The following MRPL47 variants were observed in gnomAD, a reference collection of about 807,000 sequenced individuals.
MRPL47 encodes large ribosomal subunit protein uL29m.
MRPL47 carries 31 observed loss-of-function variants against 34.0 expected under a neutral mutation model. That is an observed-to-expected ratio of 0.91 (90% CI 0.68 to 1.23). The LOEUF (loss-of-function observed/expected upper bound fraction) is 1.23. Ranked by LOEUF, MRPL47 falls within the 50% of genes most tolerant of loss-of-function variation. The probability of loss-of-function intolerance (pLI) is 0.00; values close to 1 mark genes in which losing one functional copy is unlikely to be tolerated. For missense variants in MRPL47, 328 were observed against 285.8 expected (o/e 1.15, Z -1.07); for synonymous variants, 106 against 101.6 (o/e 1.04, Z -0.26).
chr3:179,591,937 A>G (rs186358313), intron 6 of MRPL47, among the ~76,000 whole-genome samples: 1 of 151,918 alleles, frequency 6.6e-6, no homozygotes, highest in East Asian at 1.9e-4. Context: ...GGTTCCATCA[A>G]TTCTCGTACC....
Position 179,598,703 on chromosome 3 carries a change from G to T in MRPL47, c.374C>A (p.Pro125Gln), listed in dbSNP as rs369108801. The change falls in exon 4 of 7, where the codon CCA becomes CAA. Residue 125 changes from proline (P) to glutamine (Q), a missense_variant. Physicochemically the swap from Pro to Gln is moderately conservative, Grantham distance 76. Coordinates refer to ENST00000476781, the MANE Select transcript of MRPL47 (RefSeq NM_020409.3). ...LEQEAKRQRL[P>Q]MPSPERLDKV... ...ATCTAACCGCTCTGGACTTGGCATTGGCAATCTCTGCCGCTTGGCCTCCTG... is the reference window on the plus strand; with the variant it reads ...ATCTAACCGCTCTGGACTTGGCATTTGCAATCTCTGCCGCTTGGCCTCCTG... 3.7e-6 allele frequency: 6 copies of T among 1,612,784 alleles called. No individual in the cohort carries two copies. In the African/African-American group the frequency reaches 6.7e-5, roughly 18 times the overall value.
chr3:179,598,698 G>C lies in MRPL47; in HGVS notation c.379C>G (p.Pro127Ala), dbSNP rs1216617340. 6.2e-7 allele frequency: 1 copy of C among 1,612,370 alleles called. No individual in the cohort carries two copies. The highest frequency in any genetic ancestry group is 1.1e-5 in the South Asian group (1 of 91,048). ...ACCTTATCTAACCGCTCTGGACTTG[G>C]CATTGGCAATCTCTGCCGCTTGGCC... The part of the protein sequence containing the change: ...QEAKRQRLPM[P>A]SPERLDKVVD... Residue 127 changes from proline to alanine, a missense_variant, in exon 4 of 7, where the codon CCA (proline) becomes GCA (alanine). Pro to Ala is a conservative substitution (Grantham distance 27, BLOSUM62 -1). Coordinates refer to ENST00000476781, the MANE Select transcript of MRPL47 (RefSeq NM_020409.3).
At chr3:179,592,775 A>G in intron 5 of MRPL47, 36 bp from the exon 6 acceptor site, 1 of 1,328,912 alleles carries the variant, frequency 7.5e-7, no homozygotes, top group Non-Finnish European at 1.1e-6. Flanking sequence ...GCCTTAAAGA[A>G]AACATTTAAT....
In MRPL47 at chr3:179,593,868, T is replaced by C. The variant is rs779617472; in HGVS notation, c.430A>G (p.Lys144Glu). ...GCATCTTCTCTTTCCTGGACAACTT[T>C]ATCTAATGCATCCATGGAATCTACT... is the stretch of plus-strand genomic sequence containing the variant. ...KVVDSMDALDKVVQEREDALR... is the reference protein window; with the variant it reads ...KVVDSMDALDEVVQEREDALR... The change falls in exon 5 of 7, where the codon AAA becomes GAA. Residue 144 changes from lysine (K) to glutamate (E), a missense_variant. Lys to Glu is a moderately conservative substitution (Grantham distance 56). Transcript: ENST00000476781. 6.2e-7 allele frequency: 1 copy of C among 1,613,372 alleles called. No homozygotes were observed. Among genetic ancestry groups the C allele is most frequent in the Non-Finnish European group, 8.5e-7 (1 of 1,179,508 alleles).
chr3:179,595,739 T>C (rs189635615), intron 4 of MRPL47, among the ~76,000 whole-genome samples: 23 of 152,324 alleles, frequency 1.5e-4, no homozygotes, highest in African/African-American at 4.8e-4. Flanking sequence ...CCAAGAAATG[T>C]GAAGGAAAAT....
At position 179,604,526 on chromosome 3, in the gene MRPL47, C is replaced by T. The variant is rs1719012602; in HGVS notation, c.98+1G>A. On this transcript the variant is annotated splice_donor_variant, in intron 1 of 6. Transcript: ENST00000476781. LOFTEE classifies it high-confidence loss of function. ...GCAAACCTACTTTATACATCACTTACCCTGTGCAGGCAGGGACCTGAGGAG... is the reference window on the plus strand; with the variant it reads ...GCAAACCTACTTTATACATCACTTATCCTGTGCAGGCAGGGACCTGAGGAG... The T allele has an allele frequency of 6.2e-7, 1 of 1,613,810 alleles. No individual in the cohort carries two copies. Among genetic ancestry groups the T allele is most frequent in the Non-Finnish European group, 8.5e-7 (1 of 1,179,734 alleles).
At chr3:179,594,682 C>T (rs1349476519) in intron 4 of MRPL47, among the ~76,000 whole-genome samples, 1 of 152,062 alleles carries the variant, frequency 6.6e-6, no homozygotes, top group East Asian at 1.9e-4. Context: ...TGGGGTTTCA[C>T]CATGTTGGCC....
intron 4 of MRPL47, among the ~76,000 whole-genome samples, chr3:179,597,101 C>T (rs1459354121): frequency 6.6e-6 from 1 of 152,110 alleles, no homozygotes; most frequent in African/African-American, 2.4e-5. Context: ...AAGGTAAATG[C>T]AGTAAAACAG....
Position 179,602,451 on chromosome 3 carries a change from T to C in MRPL47, c.244+201A>G, listed in dbSNP as rs1475047896. On this transcript the variant is annotated intron_variant, in intron 2 of 6. Transcript: ENST00000476781. ...CAGCCTATTCCTTATCTAACCATCT[T>C]GCCAATCTGCCAAGGAACAATTAAC... Among the ~76,000 whole-genome samples the C allele has an allele frequency of 3.9e-5, 6 of 152,252 alleles. No homozygotes were observed. In the South Asian group the frequency reaches 8.3e-4, roughly 21 times the overall value.
At chr3:179,590,264 G>A (rs935668484) in intron 6 of MRPL47, among the ~76,000 whole-genome samples, 4 of 151,906 alleles carry the variant, frequency 2.6e-5, no homozygotes, top group Non-Finnish European at 5.9e-5. Flanking sequence ...GCTAGAACCC[G>A]GGAGGTGGAG....
Position 179,588,551 on chromosome 3 carries a change from A to G in MRPL47, c.*321T>C, listed in dbSNP as rs928424325. The G allele has an allele frequency of 3.4e-5, 7 of 205,642 alleles. No individual in the cohort carries two copies. Among genetic ancestry groups the G allele is most frequent in the African/African-American group, 1.4e-4 (6 of 43,112 alleles). The allele number at this position is 205,642 out of a possible 1,614,324, so 12.7% of individuals were successfully genotyped here. On this transcript the variant is annotated 3_prime_UTR_variant, in exon 7 of 7. Coordinates refer to ENST00000476781, the MANE Select transcript of MRPL47 (RefSeq NM_020409.3). ...ACAACAGAGGTAAAACTATTATTCA[A>G]ATTCAAAAACTACGGTATTGCCTTT...
chr3:179,588,289 G>T lies in MRPL47; in HGVS notation c.*583C>A, dbSNP rs567368258. 3.3e-6 allele frequency: 1 copy of T among 304,966 alleles called. No homozygotes were observed. The highest frequency in any genetic ancestry group is 6.9e-5 in the East Asian group (1 of 14,458). 18.9% of individuals were successfully genotyped at this position (304,966 alleles called of 1,614,324 possible). On this transcript the variant is annotated 3_prime_UTR_variant, in exon 7 of 7. Transcript: ENST00000476781. The stretch of plus-strand genomic sequence containing the variant: ...GTAAAATGCTTTCCAACTCTGTTTA[G>T]TGTATTAATTACCAGTGGATTGGTA...
chr3:179,598,822 A>C (rs1718856508), intron 3 of MRPL47, 51 bp from the exon 4 acceptor site: 1 of 1,317,748 alleles, frequency 7.6e-7, no homozygotes, highest in African/African-American at 1.5e-5. Flanking sequence ...TTATGTTAAT[A>C]AAGTTGTGAT....
At chr3:179,598,223 C>T (rs1718832066) in intron 4 of MRPL47, among the ~76,000 whole-genome samples, 2 of 151,806 alleles carry the variant, frequency 1.3e-5, no homozygotes. Flanking sequence ...CACATTTATA[C>T]CAAAGATACA....
chr3:179,598,397 G>GACACACAC (rs11455585), intron 4 of MRPL47, among the ~76,000 whole-genome samples: 8,980 of 102,794 alleles, frequency 0.087, 952 homozygotes, highest in African/African-American at 0.25. Context: ...CTGACACACT[G>GACACACAC]ACACACACAC....
intron 1 of MRPL47, 135 bp from the exon 2 acceptor site, chr3:179,602,932 G>T (rs912181757): frequency 1.6e-5 from 12 of 744,862 alleles, no homozygotes; most frequent in South Asian, 1.3e-4. Context: ...TTCTGCACAA[G>T]AATTAATTTT....
At chr3:179,590,775 A>G (rs1718656923) in intron 6 of MRPL47, among the ~76,000 whole-genome samples, 1 of 152,200 alleles carries the variant, frequency 6.6e-6, no homozygotes, top group Non-Finnish European at 1.5e-5. Flanking sequence ...AAGTTCGGTA[A>G]TTCAATTTGA....
rs200278682 is a variant in MRPL47, at chr3:179,602,606, G to C, written c.244+46C>G. The C allele has an allele frequency of 7.3e-5, 63 of 866,102 alleles. No individual in the cohort carries two copies. The African/African-American group carries it at 1.2e-3, about 17-fold the overall frequency. The allele number at this position is 866,102 out of a possible 1,614,324, so 53.7% of individuals were successfully genotyped here. A position where few individuals can be genotyped will look rare whatever the true frequency, so the allele number is the denominator to read the frequency against. Reference sequence around the variant, plus strand: ...ACGATGGTTGGGCGGGGCGGGGGGGGGGGTTCCATAAATATATCTAATGTT... The same window carrying C: ...ACGATGGTTGGGCGGGGCGGGGGGGCGGGTTCCATAAATATATCTAATGTT... On this transcript the variant is annotated intron_variant, in intron 2 of 6. Coordinates refer to ENST00000476781, the MANE Select transcript of MRPL47 (RefSeq NM_020409.3).
chr3:179,589,029 A>G, intron 6 of MRPL47, 34 bp from the exon 7 acceptor site: 1 of 1,579,366 alleles, frequency 6.3e-7, no homozygotes, highest in East Asian at 2.2e-5. Flanking sequence ...CAATTTATAC[A>G]AAAATATTTC....
Sources: gnomAD v4.1 joint callset for allele counts (sites outside exome capture counted in the v4.1 genomes callset) on GRCh38, gnomAD v4.1.1 for gene constraint, MANE v1.5 for transcripts, NCBI Gene and HGNC (gene_info 2026-07-23, HGNC 2026-07-21) for gene names.